KLHL15: variants seen among roughly 807,000 people sequenced by gnomAD.
The protein encoded by KLHL15 is kelch-like protein 15.
Under a neutral mutation model 29.3 loss-of-function variants are expected in KLHL15, and 1 was observed. The observed-to-expected ratio is 0.03, with a 90% CI of 0.01 to 0.16. The LOEUF is 0.16. Among genes scored for constraint, KLHL15 ranks in the 10% least tolerant of loss-of-function variants. KLHL15 has a pLI of 1.00. For missense variants in KLHL15, 215 were observed against 478.5 expected, an observed-to-expected ratio of 0.45 and a Z score of 5.14; for synonymous variants, 212 against 184.5, an observed-to-expected ratio of 1.15 and a Z score of -1.21.
intron 3 of KLHL15, among the ~76,000 whole-genome samples, chrX:23,996,304 T>C (rs931963526): frequency 5.4e-5 from 6 of 111,824 alleles, no homozygotes; most frequent in African/African-American, 1.9e-4. Context: ...TTGTCAGTTT[T>C]ATCATCTCTT....
intron 2 of KLHL15, among the ~76,000 whole-genome samples, chrX:24,009,216 G>T (rs1432177897): frequency 3.6e-5 from 4 of 110,699 alleles, no homozygotes; most frequent in African/African-American, 1.3e-4. Flanking sequence ...AAAATTAAAG[G>T]CCGGGCGTGG....
At chrX:24,026,126 G>C (rs910675984) in intron 1 of KLHL15, among the ~76,000 whole-genome samples, 2 of 112,120 alleles carry the variant, frequency 1.8e-5, no homozygotes, top group African/African-American at 6.5e-5. Context: ...ATCATTTTTT[G>C]TAAGGCAACT....
chrX:24,017,194 A>C (rs1929704518), intron 2 of KLHL15, among the ~76,000 whole-genome samples: 1 of 103,597 alleles, frequency 9.7e-6, no homozygotes, highest in South Asian at 4.5e-4. Flanking sequence ...CCTGGGCAAC[A>C]AACTAAGAGC....
At chrX:24,025,802 C>G (rs1929921644) in intron 1 of KLHL15, among the ~76,000 whole-genome samples, 1 of 110,803 alleles carries the variant, frequency 9.0e-6, no homozygotes, top group African/African-American at 3.3e-5. Context: ...CCAGCGGTTT[C>G]CCACCGAGGA....
intron 2 of KLHL15, among the ~76,000 whole-genome samples, chrX:24,024,232 T>G (rs1472912392): frequency 3.6e-5 from 4 of 112,039 alleles, no homozygotes; most frequent in Non-Finnish European, 7.5e-5. Flanking sequence ...TTCACAGCAC[T>G]GCTTTACTAT....
intron 2 of KLHL15, among the ~76,000 whole-genome samples, chrX:24,008,020 T>C (rs925920188): frequency 9.0e-6 from 1 of 111,500 alleles, no homozygotes; most frequent in African/African-American, 3.3e-5. Context: ...GAGAAATATA[T>C]ACCAAAATAA....
chrX:24,008,250 A>G (rs973070274), intron 2 of KLHL15, among the ~76,000 whole-genome samples: 2 of 112,145 alleles, frequency 1.8e-5, no homozygotes, highest in African/African-American at 6.5e-5. Context: ...AATTCAGTCT[A>G]TTTTTTTGTT....
At chrX:24,023,327 T>C (rs1464062168) in intron 2 of KLHL15, among the ~76,000 whole-genome samples, 5 of 111,782 alleles carry the variant, frequency 4.5e-5, no homozygotes, top group Non-Finnish European at 7.5e-5. Flanking sequence ...AAATCCAATC[T>C]ATAAAACCAG....
In KLHL15 at chrX:24,017,465, G is replaced by C. The variant is rs1458800755; in HGVS notation, c.-8+7392C>G. On this transcript the variant is annotated intron_variant, in intron 2 of 3. Transcript: ENST00000328046. Reference sequence around the variant, plus strand: ...TCTCTACCAACCCCATGCCTCCCTAGGGTTTATCATAATGCAGATTTATAA... The same window carrying C: ...TCTCTACCAACCCCATGCCTCCCTACGGTTTATCATAATGCAGATTTATAA... Among the ~76,000 whole-genome samples, 13 of 109,953 alleles carry C rather than the reference G, an allele frequency of 1.2e-4. No homozygotes were observed. The Admixed American group carries it at 1.3e-3, about 11-fold the overall frequency.
At chrX:23,997,946 C>A in intron 3 of KLHL15, among the ~76,000 whole-genome samples, 1 of 108,018 alleles carries the variant, frequency 9.3e-6, no homozygotes, top group African/African-American at 3.4e-5. Context: ...AAACAAAAAA[C>A]CCTAATAAGC....
chrX:24,007,501 A>C (rs1469106782), intron 2 of KLHL15, among the ~76,000 whole-genome samples: 2 of 55,810 alleles, frequency 3.6e-5, no homozygotes, highest in Non-Finnish European at 5.9e-5. Context: ...CAAAAAAAAA[A>C]AAAAAAAATA....
At position 23,988,680 on chromosome X, in the gene KLHL15, A is replaced by G; in HGVS notation, c.1056T>C (p.Tyr352=). The part of the protein sequence containing the change: ...EFHASSKVFR[Y]DPRQNSWLQM... ...GCAGCCAGGAGTTCTGTCTCGGGTCATACCTGAATACTTTGGAAGAAGCAT... is the reference window on the plus strand; with the variant it reads ...GCAGCCAGGAGTTCTGTCTCGGGTCGTACCTGAATACTTTGGAAGAAGCAT... The change falls in exon 4 of 4, where the codon TAT becomes TAC. Residue 352 remains tyrosine, a synonymous_variant. Coordinates refer to ENST00000328046, the MANE Select transcript of KLHL15 (RefSeq NM_030624.3). 1 of 1,211,727 alleles carries G rather than the reference A, an allele frequency of 8.3e-7. No individual in the cohort carries two copies. The highest frequency in any genetic ancestry group is 1.8e-5 in the South Asian group (1 of 56,967).
intron 2 of KLHL15, among the ~76,000 whole-genome samples, chrX:24,014,252 GATTT>G (rs1166070192): frequency 4.5e-5 from 5 of 111,536 alleles, no homozygotes; most frequent in Middle Eastern, 4.6e-3. Context: ...TGAAAGAAAA[GATTT>G]ATTGGTCACA....
At chrX:24,025,328 G>A (rs1414954779) in intron 1 of KLHL15, among the ~76,000 whole-genome samples, 1 of 109,351 alleles carries the variant, frequency 9.1e-6, no homozygotes, top group African/African-American at 3.3e-5. Context: ...ACCCACGCCG[G>A]GGGTGGAGGA....
chrX:23,987,592 G>A lies in KLHL15; in HGVS notation c.*329C>T, dbSNP rs146597679. The A allele has an allele frequency of 5.3e-3, 840 of 157,536 alleles. 11 individuals carry two copies. Among genetic ancestry groups the A allele is most frequent in the African/African-American group, 0.024 (781 of 32,457 alleles). The allele number at this position is 157,536 out of a possible 1,213,427, so 13.0% of individuals were successfully genotyped here. A position where few individuals can be genotyped will look rare whatever the true frequency, so the allele number is the denominator to read the frequency against. On this transcript the variant is annotated 3_prime_UTR_variant, in exon 4 of 4. Coordinates refer to ENST00000328046, the MANE Select transcript of KLHL15 (RefSeq NM_030624.3). ...GAAATCACATCCAGTGACACTTATC[G>A]GGTCTTCTCTTAGAAGACACATGAC...
rs1960394556 is a variant in KLHL15 at position 23,988,005 on chromosome X, C to T, written c.1731G>A (p.Arg577=). ...ENKWKEDEYP[R]MPCKLDGLQV... is the part of the protein sequence containing the mutation. Reference sequence around the variant, plus strand: ...GTAAACCATCCAGCTTGCAGGGCATCCGAGGGTACTCATCTTCCTTCCACT... The same window carrying T: ...GTAAACCATCCAGCTTGCAGGGCATTCGAGGGTACTCATCTTCCTTCCACT... The change falls in exon 4 of 4, where the codon CGG becomes CGA. Residue 577 remains arginine (R), a synonymous_variant. Transcript: ENST00000328046. The T allele has an allele frequency of 8.3e-7, 1 of 1,209,139 alleles. No homozygotes were observed. Among genetic ancestry groups the T allele is most frequent in the Non-Finnish European group, 1.1e-6 (1 of 894,614 alleles).
In KLHL15 at chrX:23,988,719, C is replaced by T. The variant is rs138006210; in HGVS notation, c.1017G>A (p.Pro339=). 1.7e-4 allele frequency: 200 copies of T among 1,209,787 alleles called. No individual in the cohort carries two copies. Among genetic ancestry groups the T allele is most frequent in the African/African-American group, 1.2e-3 (66 of 57,158 alleles). The change falls in exon 4 of 4, where the codon CCG becomes CCA. Residue 339 remains proline (P), a synonymous_variant. Coordinates refer to ENST00000328046, the MANE Select transcript of KLHL15 (RefSeq NM_030624.3). Reference sequence around the variant, plus strand: ...TGGAAGAAGCATGGAATTCACCATCCGGGCCCAGCTCTTCCCCGCCTAACA... The same window carrying T: ...TGGAAGAAGCATGGAATTCACCATCTGGGCCCAGCTCTTCCCCGCCTAACA... ...VFLLGGEELG[P]DGEFHASSKV... is the part of the protein sequence containing the mutation.
intron 3 of KLHL15, among the ~76,000 whole-genome samples, chrX:23,998,889 T>C (rs1442673542): frequency 9.0e-6 from 1 of 110,820 alleles, no homozygotes; most frequent in Non-Finnish European, 1.9e-5. Flanking sequence ...CTTAAGAGTT[T>C]CCTCATTTTT....
At chrX:23,994,400 A>G (rs1929145714) in intron 3 of KLHL15, among the ~76,000 whole-genome samples, 1 of 112,667 alleles carries the variant, frequency 8.9e-6, no homozygotes, top group African/African-American at 3.2e-5. Flanking sequence ...GATAACTCCA[A>G]TCACCTATCA....
Sources: gnomAD v4.1 joint callset for allele counts (sites outside exome capture counted in the v4.1 genomes callset) on GRCh38, gnomAD v4.1.1 for gene constraint, MANE v1.5 for transcripts, NCBI Gene and HGNC (gene_info 2026-07-23, HGNC 2026-07-21) for gene names.